Variants in MYO16 observed in about 807,000 individuals in gnomAD.
MYO16 encodes unconventional myosin-XVI.
MYO16 carries 94 observed loss-of-function variants against 205.3 expected under a neutral mutation model. That is an observed-to-expected ratio of 0.46 (90% CI 0.39 to 0.54). The LOEUF (loss-of-function observed/expected upper bound fraction) is 0.54, where lower values mean the gene tolerates loss of function less well. MYO16 is among the 20% of genes least tolerant of loss of function. MYO16 has a pLI of 0.00. For synonymous variants in MYO16, 988 were observed against 954.0 expected, an observed-to-expected ratio of 1.04 and a Z score of -0.66; for missense variants, 2,315 against 2,387.5, an observed-to-expected ratio of 0.97 and a Z score of 0.63.
At chr13:108,544,441 A>AT in the MYO16 span, among the ~76,000 whole-genome samples, 1 of 152,052 alleles carries the variant, frequency 6.6e-6, no homozygotes, top group Non-Finnish European at 1.5e-5. Context: ...TATATGAGAG[A>AT]TTTTGTTCAG....
In MYO16 at chr13:108,712,751, G is replaced by A. The variant is rs776558818; in HGVS notation, c.363+20G>A. 3.1e-6 allele frequency: 5 copies of A among 1,604,064 alleles called. No homozygotes were observed. Among genetic ancestry groups the A allele is most frequent in the Non-Finnish European group, 3.4e-6 (4 of 1,174,692 alleles). ...CATCTGGTAAGAACCGCGACAGTCAGTGCCAGTGCATGGGGACACCCGGGG... is the reference window on the plus strand; with the variant it reads ...CATCTGGTAAGAACCGCGACAGTCAATGCCAGTGCATGGGGACACCCGGGG... On this transcript the variant is annotated intron_variant, in intron 3 of 34. Transcript: ENST00000457511.
intron 4 of MYO16, among the ~76,000 whole-genome samples, chr13:108,736,621 T>C (rs1272068461): frequency 1.3e-5 from 2 of 152,224 alleles, no homozygotes; most frequent in Non-Finnish European, 2.9e-5. Context: ...GTCTTGGCAA[T>C]GCGGGCTGTT....
At chr13:108,974,952 T>A (rs1277133711) in intron 20 of MYO16, among the ~76,000 whole-genome samples, 2 of 152,216 alleles carry the variant, frequency 1.3e-5, no homozygotes, top group Admixed American at 6.5e-5. Context: ...ACAGTTTACA[T>A]CTATACTATT....
At chr13:108,735,228 C>T (rs959294186) in intron 4 of MYO16, among the ~76,000 whole-genome samples, 1 of 151,962 alleles carries the variant, frequency 6.6e-6, no homozygotes, top group Non-Finnish European at 1.5e-5. Context: ...TCGTCATTTA[C>T]ATTAGGTATA....
rs190891511 is a variant in MYO16 at position 108,762,629 on chromosome 13, C to T, written c.508-23006C>T. On this transcript the variant is annotated intron_variant, in intron 4 of 34. Transcript: ENST00000457511. Reference sequence around the variant, plus strand: ...GAAAATATCTCGAAGGTGGCATCTTCGACTTACAGTTCTTATACCACATTT... The same window carrying T: ...GAAAATATCTCGAAGGTGGCATCTTTGACTTACAGTTCTTATACCACATTT... 1.4e-3 allele frequency among the ~76,000 whole-genome samples: 217 copies of T among 152,206 alleles called. No homozygotes were observed. In the Middle Eastern group the frequency reaches 0.024, roughly 17 times the overall value.
chr13:108,927,508 T>C (rs1882064390), intron 16 of MYO16, among the ~76,000 whole-genome samples: 1 of 152,126 alleles, frequency 6.6e-6, no homozygotes, highest in Non-Finnish European at 1.5e-5. Flanking sequence ...GAGCCACCCT[T>C]CTAGAGCTTC....
intron 28 of MYO16, among the ~76,000 whole-genome samples, chr13:109,119,665 G>A (rs1006090310): frequency 5.9e-5 from 9 of 152,278 alleles, no homozygotes; most frequent in African/African-American, 9.6e-5. Context: ...ATATCAGTAC[G>A]TTTGGATAAG....
At chr13:108,839,044 T>C (rs551321739) in intron 9 of MYO16, among the ~76,000 whole-genome samples, 6 of 152,090 alleles carry the variant, frequency 3.9e-5, no homozygotes, top group African/African-American at 1.2e-4. Flanking sequence ...GTATTTCTTA[T>C]GGTTCTGGAG....
intron 4 of MYO16, among the ~76,000 whole-genome samples, chr13:108,763,788 TGTGTGTG>T (rs1045343965): frequency 3.7e-4 from 5 of 13,592 alleles, no homozygotes; most frequent in Non-Finnish European, 6.3e-4. Flanking sequence ...GAAAAGGAGT[TGTGTGTG>T]TGTGTGTGTG....
the MYO16 span, among the ~76,000 whole-genome samples, chr13:108,537,064 C>T: frequency 6.6e-6 from 1 of 152,020 alleles, no homozygotes; most frequent in African/African-American, 2.4e-5. Flanking sequence ...CCAGTGTACC[C>T]ATGAACTGAA....
At chr13:108,868,310 T>C (rs556708096) in intron 12 of MYO16, among the ~76,000 whole-genome samples, 7 of 152,350 alleles carry the variant, frequency 4.6e-5, no homozygotes, top group Admixed American at 3.9e-4. Flanking sequence ...TTCATTTGTT[T>C]ACTTATCATT....
At chr13:109,196,025 G>C (rs928130759) in intron 34 of MYO16, among the ~76,000 whole-genome samples, 1 of 152,130 alleles carries the variant, frequency 6.6e-6, no homozygotes, top group Non-Finnish European at 1.5e-5. Context: ...CAGGTTGTGA[G>C]AGATTTAGTG....
chr13:108,750,950 G>A (rs188553056), intron 4 of MYO16, among the ~76,000 whole-genome samples: 152 of 152,252 alleles, frequency 1.0e-3, no homozygotes, highest in African/African-American at 3.4e-3. Context: ...TGACTCATGC[G>A]GTGATGGATT....
chr13:109,166,399 A>T (rs1232203444), intron 33 of MYO16, among the ~76,000 whole-genome samples: 1 of 152,246 alleles, frequency 6.6e-6, no homozygotes, highest in Non-Finnish European at 1.5e-5. Flanking sequence ...GTGGAAGATA[A>T]CTCAGAAAAT....
chr13:108,647,066 T>A (rs1880786846), intron 1 of MYO16, among the ~76,000 whole-genome samples: 1 of 152,104 alleles, frequency 6.6e-6, no homozygotes, highest in African/African-American at 2.4e-5. Context: ...ATCCATGGCA[T>A]TTTCCCTTGT....
rs185501385 is a variant in MYO16 at position 109,032,528 on chromosome 13, C to T, written c.2796+12617C>T. Among the ~76,000 whole-genome samples the T allele has an allele frequency of 2.0e-3, 303 of 152,194 alleles. 1 individual carries two copies. Among genetic ancestry groups the T allele is most frequent in the African/African-American group, 6.6e-3 (273 of 41,522 alleles). The stretch of plus-strand genomic sequence containing the variant: ...TGACTTAGAGGACAAAGGAAGAAAC[C>T]GTGGAAATGCACTTATGTCCACATT... On this transcript the variant is annotated intron_variant, in intron 23 of 34. Coordinates refer to ENST00000457511, the MANE Select transcript of MYO16 (RefSeq NM_001198950.3).
rs575404929 is a variant in MYO16 at position 109,066,959 on chromosome 13, G to C, written c.3335+11364G>C. ...GATCCTAATTTCTACTCTACCAAGTGGTATGATCCCCCATAACAGCATCCA... is the reference window on the plus strand; with the variant it reads ...GATCCTAATTTCTACTCTACCAAGTCGTATGATCCCCCATAACAGCATCCA... On this transcript the variant is annotated intron_variant, in intron 27 of 34. Transcript: ENST00000457511. 1.9e-4 allele frequency among the ~76,000 whole-genome samples: 29 copies of C among 148,788 alleles called. 1 individual carries two copies. The highest frequency in any genetic ancestry group is 6.5e-4 in the African/African-American group (27 of 41,422).
intron 4 of MYO16, among the ~76,000 whole-genome samples, chr13:108,742,733 A>G (rs1566582054): frequency 6.6e-6 from 1 of 152,226 alleles, no homozygotes; most frequent in Non-Finnish European, 1.5e-5. Flanking sequence ...TTATTTCAGC[A>G]TGTACATATT....
At chr13:109,196,001 G>A (rs933134194) in intron 34 of MYO16, among the ~76,000 whole-genome samples, 2 of 152,052 alleles carry the variant, frequency 1.3e-5, no homozygotes, top group African/African-American at 2.4e-5. Flanking sequence ...TTTAGATCAC[G>A]TTGTATTTTC....
Sources: gnomAD v4.1 joint callset for allele counts (sites outside exome capture counted in the v4.1 genomes callset) on GRCh38, gnomAD v4.1.1 for gene constraint, MANE v1.5 for transcripts, NCBI Gene and HGNC (gene_info 2026-07-23, HGNC 2026-07-21) for gene names.